The following IL31RA variants were observed in gnomAD, a reference collection of about 807,000 sequenced individuals.
IL31RA encodes the protein interleukin-31 receptor subunit alpha.
In IL31RA, 66 loss-of-function variants were observed where a neutral mutation model predicts 83.7. The ratio of observed to expected loss-of-function variants is 0.79; its 90% CI spans 0.65 to 0.97. The LOEUF is 0.97. IL31RA is among the 50% of genes least tolerant of loss of function. The pLI is 0.00. For synonymous variants in IL31RA, 325 were observed against 329.0 expected (o/e 0.99, Z 0.13); for missense variants, 798 against 919.4 (o/e 0.87, Z 1.71).
chr5:55,869,001 A>G (rs1378708407), intron 3 of IL31RA, 93 bp downstream of exon 3: 1 of 804,556 alleles, frequency 1.2e-6, no homozygotes, highest in Non-Finnish European at 2.2e-6. Context: ...TGAAGCAAAA[A>G]GTTTCCTCAA....
At chr5:55,907,201 A>G (rs1749207071) in intron 9 of IL31RA, among the ~76,000 whole-genome samples, 158 bp from the exon 10 acceptor site, 1 of 152,242 alleles carries the variant, frequency 6.6e-6, no homozygotes, top group Non-Finnish European at 1.5e-5. Flanking sequence ...AGCAATAGAT[A>G]TTAGAGACCA....
chr5:55,888,431 C>A (rs1747775256), intron 5 of IL31RA, among the ~76,000 whole-genome samples: 1 of 152,118 alleles, frequency 6.6e-6, no homozygotes, highest in African/African-American at 2.4e-5. Flanking sequence ...GCAGAACTTT[C>A]TGTGTAATGT....
In IL31RA at chr5:55,917,335, G is replaced by A; in HGVS notation, c.*215G>A. 1.4e-6 allele frequency: 2 copies of A among 1,431,942 alleles called. No homozygotes were observed. The highest frequency in any genetic ancestry group is 1.8e-6 in the Non-Finnish European group (2 of 1,096,402). 88.7% of individuals were successfully genotyped at this position (1,431,942 alleles called of 1,614,324 possible). A position where few individuals can be genotyped will look rare whatever the true frequency, so the allele number is the denominator to read the frequency against. On this transcript the variant is annotated 3_prime_UTR_variant, in exon 15 of 15. Coordinates refer to ENST00000652347, the MANE Select transcript of IL31RA (RefSeq NM_139017.7). Reference sequence around the variant, plus strand: ...GGTGATAAGCCCGAGTTTTGTAAAGGAACAGCAGTCTCTTTTCGTTTGTTC... The same window carrying A: ...GGTGATAAGCCCGAGTTTTGTAAAGAAACAGCAGTCTCTTTTCGTTTGTTC...
At chr5:55,885,081 C>A (rs327240) in intron 5 of IL31RA, among the ~76,000 whole-genome samples, 114,979 of 152,074 alleles carry the variant, frequency 0.76, 43,592 homozygotes, top group South Asian at 0.83. Flanking sequence ...ATCAACCCCT[C>A]CTTTGGATAT....
upstream of IL31RA, among the ~76,000 whole-genome samples, chr5:55,848,302 T>C (rs1369326593): frequency 6.6e-6 from 1 of 152,240 alleles, no homozygotes; most frequent in Non-Finnish European, 1.5e-5. Context: ...ATTTATGCAA[T>C]CATTTATTAA....
chr5:55,858,958 T>C (rs1269396977), intron 1 of IL31RA, among the ~76,000 whole-genome samples: 1 of 152,146 alleles, frequency 6.6e-6, no homozygotes, highest in Non-Finnish European at 1.5e-5. Context: ...ACACATGATA[T>C]AGTGGGGCAT....
At chr5:55,878,407 T>C (rs1394430857) in intron 4 of IL31RA, among the ~76,000 whole-genome samples, 3 of 152,198 alleles carry the variant, frequency 2.0e-5, no homozygotes, top group Non-Finnish European at 4.4e-5. Context: ...TCCTGTTTCT[T>C]TGTATGCCTT....
chr5:55,907,563 G>A (rs961997196), intron 10 of IL31RA, 103 bp downstream of exon 10: 3 of 776,702 alleles, frequency 3.9e-6, no homozygotes, highest in Middle Eastern at 2.5e-4. Flanking sequence ...CCATCTTAGG[G>A]CTCATTTGTG....
At chr5:55,853,217 A>G in intron 1 of IL31RA, 1 of 737,264 alleles carries the variant, frequency 1.4e-6, no homozygotes, top group Non-Finnish European at 1.7e-6. Flanking sequence ...GACTTCCTGA[A>G]GAGAAAATTT....
rs1364776954 is a variant in IL31RA, at chr5:55,917,605, T to C, written c.*485T>C. ...TGGGCTCTGGTCTTCCCCTACAAGG[T>C]AGCCCTGAAGCCTTCCTCTCTCCCC... On this transcript the variant is annotated 3_prime_UTR_variant, in exon 15 of 15. Transcript: ENST00000652347. Among the ~76,000 whole-genome samples, 1 of 152,162 alleles carries C rather than the reference T, an allele frequency of 6.6e-6. No homozygotes were observed. The highest frequency in any genetic ancestry group is 1.5e-5 in the Non-Finnish European group (1 of 68,020).
In IL31RA at chr5:55,922,378, T is replaced by G. The variant is rs546802448; in HGVS notation, c.*5258T>G. On this transcript the variant is annotated 3_prime_UTR_variant, in exon 15 of 15. Transcript: ENST00000652347. ...TTCAAGGGAAGTGAGATACTTGTACTATGCATTTCATTTTTAGGACTAGAA... is the reference window on the plus strand; with the variant it reads ...TTCAAGGGAAGTGAGATACTTGTACGATGCATTTCATTTTTAGGACTAGAA... 26 of 1,548,590 alleles carry G rather than the reference T, an allele frequency of 1.7e-5. No homozygotes were observed. The South Asian group carries it at 2.7e-4, about 16-fold the overall frequency.
intron 4 of IL31RA, among the ~76,000 whole-genome samples, chr5:55,877,496 G>C (rs1433546744): frequency 6.6e-6 from 1 of 152,140 alleles, no homozygotes; most frequent in African/African-American, 2.4e-5. Flanking sequence ...CAACCTGAAG[G>C]ACTCCTTTTA....
chr5:55,873,094 C>T (rs1325288012), intron 4 of IL31RA, among the ~76,000 whole-genome samples: 3 of 152,150 alleles, frequency 2.0e-5, no homozygotes, highest in African/African-American at 7.2e-5. Context: ...TTCCTCCATT[C>T]TCTGGCAACC....
At chr5:55,885,895 A>T (rs903931960) in intron 5 of IL31RA, among the ~76,000 whole-genome samples, 12 of 152,158 alleles carry the variant, frequency 7.9e-5, no homozygotes, top group African/African-American at 2.9e-4. Flanking sequence ...GTCTCCGTGA[A>T]CCTGAGAAAC....
chr5:55,857,978 A>G (rs1245662380), intron 1 of IL31RA, among the ~76,000 whole-genome samples: 1 of 152,120 alleles, frequency 6.6e-6, no homozygotes, highest in Non-Finnish European at 1.5e-5. Context: ...ACACTTTTCA[A>G]CTACTGTAAC....
intron 5 of IL31RA, among the ~76,000 whole-genome samples, chr5:55,887,975 G>A (rs1353102375): frequency 3.3e-5 from 5 of 151,760 alleles, no homozygotes; most frequent in Admixed American, 1.3e-4. Flanking sequence ...GCTTGAACCC[G>A]GGAGGCAGAG....
chr5:55,839,897 C>G, the IL31RA span: 1 of 709,864 alleles, frequency 1.4e-6, no homozygotes, highest in Non-Finnish European at 2.6e-6. Context: ...GTAGATGAAA[C>G]GAATACCTTG....
intron 2 of IL31RA, among the ~76,000 whole-genome samples, chr5:55,864,645 C>T (rs771178173): frequency 1.3e-5 from 2 of 151,070 alleles, no homozygotes; most frequent in Non-Finnish European, 3.0e-5. Context: ...ACGCACACAC[C>T]AACACGCTCC....
Position 55,897,015 on chromosome 5 carries a change from A to ATATATATATAT in IL31RA, c.852+587_852+588insATATATATATT, listed in dbSNP as rs1413221761. On this transcript the variant is annotated intron_variant, in intron 7 of 14. Transcript: ENST00000652347. Reference sequence around the variant, plus strand: ...AAAAAAAAAAAATATATATATATATATTTTTTTTTTTTTTGGTTGAGGCTG... The same window carrying ATATATATATAT: ...AAAAAAAAAAAATATATATATATATATATATATATATTTTTTTTTTTTTTTGGTTGAGGCTG... Among the ~76,000 whole-genome samples, 2 of 844 alleles carry ATATATATATAT rather than the reference A, an allele frequency of 2.4e-3. 1 individual carries two copies. The highest frequency in any genetic ancestry group is 0.026 in the East Asian group (2 of 78). The allele number at this position is 844 out of a possible 152,430, so 0.6% of individuals were successfully genotyped here.
Sources: allele counts gnomAD v4.1 joint callset (sites outside exome capture counted in the v4.1 genomes callset), GRCh38; gene constraint gnomAD v4.1.1; transcripts MANE v1.5; gene names NCBI Gene and HGNC (gene_info 2026-07-23, HGNC 2026-07-21).